Variants in EPS15 observed in about 807,000 individuals in gnomAD.
EPS15 encodes epidermal growth factor receptor pathway substrate 15.
A neutral mutation model predicts 113.8 loss-of-function variants in EPS15; 72 were observed. The observed-to-expected ratio is 0.63, with a 90% CI of 0.52 to 0.77. The LOEUF is 0.77. EPS15 is among the 30% of genes least tolerant of loss of function. The pLI, the probability that EPS15 is intolerant of heterozygous loss-of-function variation, is 0.00. For missense variants in EPS15, 1,048 were observed against 1,045.8 expected (o/e 1.00, Z -0.03); for synonymous variants, 344 against 363.4 (o/e 0.95, Z 0.61).
At chr1:51,457,169 C>T (rs2148494415) in intron 8 of EPS15, among the ~76,000 whole-genome samples, 1 of 152,176 alleles carries the variant, frequency 6.6e-6, no homozygotes, top group East Asian at 1.9e-4. Flanking sequence ...CGCCTGTAGT[C>T]CCAGCTACTC....
chr1:51,495,044 G>A (rs1051325848), intron 1 of EPS15, among the ~76,000 whole-genome samples: 18 of 152,336 alleles, frequency 1.2e-4, no homozygotes, highest in Non-Finnish European at 2.1e-4. Context: ...GGACCTATTA[G>A]AAAGGGGTCC....
At chr1:51,394,344 T>C (rs1265028612) in intron 21 of EPS15, 37 bp downstream of exon 21, 1 of 1,351,908 alleles carries the variant, frequency 7.4e-7, no homozygotes, top group Non-Finnish European at 1.0e-6. Context: ...AAAAAAAATG[T>C]TTAATGTTCA....
intron 8 of EPS15, 49 bp downstream of exon 8, chr1:51,461,042 G>A (rs532613870): frequency 8.1e-7 from 1 of 1,229,980 alleles, no homozygotes; most frequent in Non-Finnish European, 1.2e-6. Context: ...ATTTGCACAT[G>A]AGAAAATCAT....
chr1:51,396,434 C>T (rs1359434707), intron 20 of EPS15, among the ~76,000 whole-genome samples: 1 of 152,108 alleles, frequency 6.6e-6, no homozygotes, highest in Non-Finnish European at 1.5e-5. Context: ...GCTCCAAAGT[C>T]TGAAACCTTT....
chr1:51,490,350 G>T (rs758964761), intron 1 of EPS15: 2 of 430,772 alleles, frequency 4.6e-6, no homozygotes, highest in African/African-American at 4.1e-5. Flanking sequence ...CAAATCACGA[G>T]GTCAGGAGTT....
At position 51,450,066 on chromosome 1, in the gene EPS15, G is replaced by A. The variant is rs72910267; in HGVS notation, c.562-1931C>T. ...TTTCTTACTGGATCACTCAAGAGATGGCCAAGGAGGTATTCCTAATAGCTC... is the reference window on the plus strand; with the variant it reads ...TTTCTTACTGGATCACTCAAGAGATAGCCAAGGAGGTATTCCTAATAGCTC... On this transcript the variant is annotated intron_variant, in intron 8 of 24. Coordinates refer to ENST00000371733, the MANE Select transcript of EPS15 (RefSeq NM_001981.3). Among the ~76,000 whole-genome samples the A allele has an allele frequency of 6.5e-3, 994 of 151,780 alleles. 23 individuals carry two copies. Among genetic ancestry groups the A allele is most frequent in the African/African-American group, 0.023 (956 of 41,102 alleles).
intron 12 of EPS15, among the ~76,000 whole-genome samples, chr1:51,430,128 A>C (rs1651586482): frequency 6.6e-6 from 1 of 152,240 alleles, no homozygotes; most frequent in Admixed American, 6.5e-5. Flanking sequence ...ATTGCTAGAA[A>C]GGCAATAAAA....
intron 2 of EPS15, among the ~76,000 whole-genome samples, chr1:51,479,589 T>C (rs1168593137): frequency 1.3e-5 from 2 of 152,132 alleles, no homozygotes; most frequent in East Asian, 3.8e-4. Context: ...CCATCAATAG[T>C]ATCTGATTCT....
rs1330990261 is a variant in EPS15, at chr1:51,448,088, C to T, written c.609G>A (p.Met203Ile). The change falls in exon 9 of 25, where the codon ATG becomes ATA. Residue 203 changes from methionine to isoleucine, a missense_variant. Physicochemically the swap from Met to Ile is conservative, Grantham distance 10 (BLOSUM62 1). Transcript: ENST00000371733. ...GTGGCACCAAGGCTGGAGGCAAGGA[C>T]ATTGGCACAGGTTCTTTCTCCAGTG... is the stretch of plus-strand genomic sequence containing the variant. ...YCALEKEPVP[M>I]SLPPALVPPS... The T allele has an allele frequency of 8.1e-6, 13 of 1,613,732 alleles. No homozygotes were observed. Among genetic ancestry groups the T allele is most frequent in the African/African-American group, 5.3e-5 (4 of 74,898 alleles).
intron 19 of EPS15, 30 bp from the exon 20 acceptor site, chr1:51,399,195 CAA>C: frequency 6.3e-7 from 1 of 1,577,342 alleles, no homozygotes; most frequent in Non-Finnish European, 8.6e-7. Context: ...ATATAAGAGA[CAA>C]AAAAAAATTA....
rs1161918337 is a variant in EPS15, at chr1:51,463,763, A to G, written c.411T>C (p.Asp137=). Residue 137 remains aspartate, a synonymous_variant, in exon 7 of 25, where the codon GAT becomes GAC. Transcript: ENST00000371733. ...EDKAKYDAIF[D]SLSPVNGFLS... ...GAAATCCATTCACTGGGCTTAAACT[A>G]TCAAATATTGCATCATATTTGGCCT... The G allele has an allele frequency of 1.2e-6, 2 of 1,603,298 alleles. No individual in the cohort carries two copies. Among genetic ancestry groups the G allele is most frequent in the Admixed American group, 3.3e-5 (2 of 59,836 alleles).
At chr1:51,403,798 C>T (rs1346530852) in intron 16 of EPS15, among the ~76,000 whole-genome samples, 1 of 152,106 alleles carries the variant, frequency 6.6e-6, no homozygotes, top group Non-Finnish European at 1.5e-5. Context: ...TTTTTCAAAT[C>T]CTTGCCTTCT....
At chr1:51,371,621 G>T (rs1309327317) in intron 21 of EPS15, among the ~76,000 whole-genome samples, 2 of 152,028 alleles carry the variant, frequency 1.3e-5, no homozygotes, top group African/African-American at 4.8e-5. Context: ...TATTACAAGA[G>T]TCAAAAAGTT....
At chr1:51,404,802 T>A (rs767731688) in intron 16 of EPS15, among the ~76,000 whole-genome samples, 5 of 152,224 alleles carry the variant, frequency 3.3e-5, no homozygotes, top group Non-Finnish European at 5.9e-5. Context: ...TTTTAAAATA[T>A]ACATATCTGG....
chr1:51,492,932 A>G (rs1644260815), intron 1 of EPS15, among the ~76,000 whole-genome samples: 1 of 152,230 alleles, frequency 6.6e-6, no homozygotes. Flanking sequence ...CTTGTTTTAA[A>G]AAACAAAAAC....
chr1:51,395,380 T>C (rs531901830), intron 20 of EPS15, among the ~76,000 whole-genome samples: 7 of 152,358 alleles, frequency 4.6e-5, no homozygotes, highest in Non-Finnish European at 7.3e-5. Context: ...ATTTTACGTT[T>C]AGAATGCACA....
intron 21 of EPS15, chr1:51,372,603 A>G: frequency 2.0e-6 from 1 of 511,574 alleles, no homozygotes; most frequent in Non-Finnish European, 3.9e-6. Flanking sequence ...AAGAAAAGAC[A>G]CTAACCTAAC....
intron 24 of EPS15, among the ~76,000 whole-genome samples, chr1:51,357,780 G>A (rs1295082169): frequency 2.9e-5 from 4 of 137,890 alleles, no homozygotes; most frequent in African/African-American, 1.1e-4. Context: ...CGCTCTTGTT[G>A]CCCAGGCTGG....
intron 13 of EPS15, among the ~76,000 whole-genome samples, chr1:51,420,464 C>A (rs969486944): frequency 6.6e-6 from 1 of 152,158 alleles, no homozygotes; most frequent in Non-Finnish European, 1.5e-5. Context: ...AAAATTGTAT[C>A]AGTAGCTACA....
Sources: gnomAD v4.1 joint callset for allele counts (sites outside exome capture counted in the v4.1 genomes callset) on GRCh38, gnomAD v4.1.1 for gene constraint, MANE v1.5 for transcripts, NCBI Gene and HGNC (gene_info 2026-07-23, HGNC 2026-07-21) for gene names.